Variants in C3orf22 observed in about 807,000 individuals in gnomAD.
The protein encoded by C3orf22 is chromosome 3 open reading frame 22.
C3orf22 carries 7 observed loss-of-function variants against 10.8 expected under a neutral mutation model. That is an observed-to-expected ratio of 0.65 (90% confidence interval 0.37 to 1.22). C3orf22 has a LOEUF of 1.22. Among genes scored for constraint, C3orf22 ranks in the 50% most tolerant of loss-of-function variants. The pLI, the probability that C3orf22 is intolerant of heterozygous loss-of-function variation, is 0.02. For synonymous variants in C3orf22, 79 were observed against 78.9 expected (o/e 1.00, Z 0.00); for missense variants, 173 against 177.0 (o/e 0.98, Z 0.13).
chr3:126,553,728 G>A (rs1271271729), intron 1 of C3orf22, among the ~76,000 whole-genome samples: 6 of 152,188 alleles, frequency 3.9e-5, no homozygotes, highest in Non-Finnish European at 7.3e-5. Flanking sequence ...TCATCATGGG[G>A]CAGCCATGTG....
At chr3:126,545,690 G>A (rs769901751), downstream of C3orf22, among the ~76,000 whole-genome samples, 10 of 152,232 alleles carry the variant, frequency 6.6e-5, no homozygotes, top group Non-Finnish European at 1.5e-4. Context: ...TGTGTCACCA[G>A]CACACTCCAA....
intron 1 of C3orf22, among the ~76,000 whole-genome samples, chr3:126,555,703 C>T (rs1203389916): frequency 6.6e-6 from 1 of 152,110 alleles, no homozygotes; most frequent in African/African-American, 2.4e-5. Flanking sequence ...TCCATGAAAC[C>T]GTGGTGCCAA....
downstream of C3orf22, among the ~76,000 whole-genome samples, chr3:126,546,717 C>A (rs1054749955): frequency 3.9e-5 from 6 of 152,144 alleles, no homozygotes; most frequent in African/African-American, 1.4e-4. Context: ...GTTTAACTCC[C>A]CCCAGCCTGT....
intron 1 of C3orf22, among the ~76,000 whole-genome samples, chr3:126,557,486 T>A (rs1371532510): frequency 6.6e-6 from 1 of 152,224 alleles, no homozygotes; most frequent in Non-Finnish European, 1.5e-5. Flanking sequence ...TAATGTGCCA[T>A]GCTGCTCATC....
Position 126,549,933 on chromosome 3 carries a change from G to C in C3orf22, c.361C>G (p.Arg121Gly), listed in dbSNP as rs376388723. Reference sequence around the variant, plus strand: ...TGGGGGCAGGCAGCCTCAGTGTGCCGGGTGGACAGCAGGAAGGCGAGTTGT... The same window carrying C: ...TGGGGGCAGGCAGCCTCAGTGTGCCCGGTGGACAGCAGGAAGGCGAGTTGT... Reference protein sequence around the residue: ...PRQLAFLLSTRHTEAACPQTS... With the variant: ...PRQLAFLLSTGHTEAACPQTS... The change falls in exon 4 of 4, where the codon CGG becomes GGG. Residue 121 changes from arginine (R) to glycine (G), a missense_variant. Coordinates refer to ENST00000318225, the MANE Select transcript of C3orf22 (RefSeq NM_152533.3). 8.1e-6 allele frequency: 13 copies of C among 1,614,152 alleles called. No individual in the cohort carries two copies. The highest frequency in any genetic ancestry group is 1.1e-5 in the Non-Finnish European group (13 of 1,180,030).
intron 4 of C3orf22, chr3:126,542,284 CG>C: frequency 6.4e-7 from 1 of 1,565,784 alleles, no homozygotes; most frequent in Non-Finnish European, 8.6e-7. Context: ...AGCCCTTCAA[CG>C]AGCACTGGGA....
chr3:126,547,789 C>G (rs1937093526), downstream of C3orf22, among the ~76,000 whole-genome samples: 1 of 152,110 alleles, frequency 6.6e-6, no homozygotes, highest in African/African-American at 2.4e-5. Context: ...GGAGGGGAGA[C>G]AGTACACCCC....
chr3:126,529,777 C>T (rs1337446104), intron 4 of C3orf22, among the ~76,000 whole-genome samples: 2 of 152,302 alleles, frequency 1.3e-5, no homozygotes. Context: ...CATCCTGTCC[C>T]CCTTCTCTCC....
intron 4 of C3orf22, among the ~76,000 whole-genome samples, chr3:126,536,096 C>T (rs1373583806): frequency 1.3e-5 from 2 of 152,160 alleles, no homozygotes; most frequent in African/African-American, 4.8e-5. Flanking sequence ...AATTCTGCCC[C>T]ATTAGTACCC....
At chr3:126,556,953 CACAG>C (rs1173099488) in intron 1 of C3orf22, among the ~76,000 whole-genome samples, 11 of 151,530 alleles carry the variant, frequency 7.3e-5, no homozygotes, top group East Asian at 3.9e-4. Context: ...CACTCATACA[CACAG>C]ACACACATAG....
chr3:126,550,622 C>T (rs528957779), intron 3 of C3orf22, among the ~76,000 whole-genome samples: 1 of 152,320 alleles, frequency 6.6e-6, no homozygotes, highest in East Asian at 1.9e-4. Flanking sequence ...CATTGTTTTG[C>T]TGCCATTTGA....
rs1389125752 is a variant in C3orf22, at chr3:126,542,572, G to A, written c.286+6965C>T. 6 of 1,485,864 alleles carry A rather than the reference G, an allele frequency of 4.0e-6. No individual in the cohort carries two copies. The South Asian group carries it at 5.5e-5, about 14-fold the overall frequency. The allele number at this position is 1,485,864 out of a possible 1,614,324, so 92.0% of individuals were successfully genotyped here. On this transcript the variant is annotated intron_variant and NMD_transcript_variant, in intron 4 of 5. Transcript: ENST00000505070. Reference sequence around the variant, plus strand: ...ACTCCGCCCCCTCCTACCTGCGGCTGCTCTAGCGGTCCTGGAGGTCCTGTG... The same window carrying A: ...ACTCCGCCCCCTCCTACCTGCGGCTACTCTAGCGGTCCTGGAGGTCCTGTG...
At chr3:126,550,890 C>A (rs1323521214) in intron 3 of C3orf22, among the ~76,000 whole-genome samples, 1 of 152,272 alleles carries the variant, frequency 6.6e-6, no homozygotes, top group Non-Finnish European at 1.5e-5. Flanking sequence ...GACCCCACAG[C>A]TGCCCCTGAC....
chr3:126,546,000 G>C (rs1937062062), downstream of C3orf22, among the ~76,000 whole-genome samples: 1 of 152,210 alleles, frequency 6.6e-6, no homozygotes, highest in African/African-American at 2.4e-5. Flanking sequence ...GGGCACCCAA[G>C]CTGGCTTTAA....
At chr3:126,555,442 A>T (rs1937304039) in intron 1 of C3orf22, among the ~76,000 whole-genome samples, 1 of 152,180 alleles carries the variant, frequency 6.6e-6, no homozygotes, top group Non-Finnish European at 1.5e-5. Flanking sequence ...TCCAGCATGG[A>T]ACTGGGCCGC....
chr3:126,545,199 G>A (rs1937046863), downstream of C3orf22, among the ~76,000 whole-genome samples: 1 of 152,262 alleles, frequency 6.6e-6, no homozygotes, highest in African/African-American at 2.4e-5. Flanking sequence ...CCATAGTCCA[G>A]TGCCCACAAG....
At chr3:126,553,470 T>A in intron 1 of C3orf22, 40 bp from the exon 2 acceptor site, 1 of 543,612 alleles carries the variant, frequency 1.8e-6, no homozygotes, top group Non-Finnish European at 3.3e-6. Context: ...GCAGGGGTGG[T>A]GGGGGGCAGA....
chr3:126,528,756 A>G (rs1936586115), intron 5 of C3orf22, among the ~76,000 whole-genome samples: 1 of 152,124 alleles, frequency 6.6e-6, no homozygotes, highest in Non-Finnish European at 1.5e-5. Flanking sequence ...ATGGAGTTTG[A>G]ACTAAATACA....
At chr3:126,541,168 G>C (rs950701857) in intron 4 of C3orf22, among the ~76,000 whole-genome samples, 1 of 152,208 alleles carries the variant, frequency 6.6e-6, no homozygotes, top group East Asian at 1.9e-4. Flanking sequence ...TCTCATAGGA[G>C]GGACAGGCTC....
Sources: allele counts gnomAD v4.1 joint callset (sites outside exome capture counted in the v4.1 genomes callset), GRCh38; gene constraint gnomAD v4.1.1; transcripts MANE v1.5; gene names NCBI Gene and HGNC (gene_info 2026-07-23, HGNC 2026-07-21).